The following CNTN1 variants were observed in gnomAD, a reference collection of about 807,000 sequenced individuals.
CNTN1 encodes the protein contactin 1.
Under a neutral mutation model 126.4 loss-of-function variants are expected in CNTN1, and 38 were observed. The ratio of observed to expected loss-of-function variants is 0.30; its 90% CI spans 0.23 to 0.39. The LOEUF (loss-of-function observed/expected upper bound fraction) is 0.39. Ranked by LOEUF, CNTN1 falls within the 10% of genes least tolerant of loss-of-function variation. The pLI, the probability that CNTN1 is intolerant of heterozygous loss-of-function variation, is 1.00. For missense variants in CNTN1, 1,009 were observed against 1,248.4 expected (o/e 0.81, Z 2.89); for synonymous variants, 413 against 422.6 (o/e 0.98, Z 0.28).
At position 40,751,806 on chromosome 12, in the gene CNTN1, T is replaced by C. The variant is rs1211960770; in HGVS notation, c.-77+59214T>C. ...GCTAAGTAGCGATAACATCTACCTA[T>C]TGACCTCCAAGTGTTGTTACATTGG... On this transcript the variant is annotated intron_variant, in intron 1 of 23. Coordinates refer to ENST00000551295, the MANE Select transcript of CNTN1 (RefSeq NM_001843.4). Among the ~76,000 whole-genome samples the C allele has an allele frequency of 2.0e-5, 3 of 152,096 alleles. No individual in the cohort carries two copies. The East Asian group carries it at 5.8e-4, about 29-fold the overall frequency.
chr12:41,017,093 T>C (rs1400969351), intron 19 of CNTN1, among the ~76,000 whole-genome samples, 177 bp downstream of exon 19: 1 of 152,204 alleles, frequency 6.6e-6, no homozygotes, highest in African/African-American at 2.4e-5. Context: ...ATCTAAATGA[T>C]GAGAATGTTG....
chr12:40,961,363 T>C (rs947008606), intron 15 of CNTN1, among the ~76,000 whole-genome samples: 3 of 152,028 alleles, frequency 2.0e-5, no homozygotes, highest in Non-Finnish European at 4.4e-5. Context: ...GTCAAAAACA[T>C]GTATAGATGT....
At chr12:40,920,811 G>A (rs1158362927) in intron 4 of CNTN1, among the ~76,000 whole-genome samples, 1 of 152,134 alleles carries the variant, frequency 6.6e-6, no homozygotes, top group East Asian at 1.9e-4. Context: ...AGTATTAAAA[G>A]GGATTGTAGC....
At chr12:41,009,109 GGA>G (rs1481219449) in intron 17 of CNTN1, among the ~76,000 whole-genome samples, 3 of 152,294 alleles carry the variant, frequency 2.0e-5, no homozygotes, top group African/African-American at 7.2e-5. Context: ...ATTTTCTAGG[GGA>G]GTTTCCCTGA....
At chr12:40,722,960 G>T (rs906836447) in intron 1 of CNTN1, among the ~76,000 whole-genome samples, 6 of 151,986 alleles carry the variant, frequency 3.9e-5, no homozygotes, top group Admixed American at 3.9e-4. Flanking sequence ...TTAGAGCAAA[G>T]AACTAAATAG....
intron 1 of CNTN1, among the ~76,000 whole-genome samples, chr12:40,848,102 C>T (rs1486660014): frequency 2.6e-5 from 4 of 152,186 alleles, no homozygotes; most frequent in Admixed American, 1.3e-4. Flanking sequence ...ACTCGGCAGC[C>T]TGGGGTTTCG....
At chr12:40,811,101 A>ATT (rs1297603945) in intron 1 of CNTN1, among the ~76,000 whole-genome samples, 2 of 152,240 alleles carry the variant, frequency 1.3e-5, no homozygotes, top group African/African-American at 4.8e-5. Context: ...GGTTGTGTTC[A>ATT]TTACTTGGTT....
chr12:40,900,445 G>A (rs1256445823), intron 1 of CNTN1, among the ~76,000 whole-genome samples: 1 of 152,152 alleles, frequency 6.6e-6, no homozygotes. Flanking sequence ...GGGAGTGTGT[G>A]TGTGTATGGT....
chr12:40,692,696 A>G (rs1451970075), intron 1 of CNTN1, 104 bp downstream of exon 1: 1 of 152,616 alleles, frequency 6.6e-6, no homozygotes, highest in Non-Finnish European at 1.5e-5. Context: ...GTCACCCCCA[A>G]ATCTCCTGTG....
intron 1 of CNTN1, among the ~76,000 whole-genome samples, chr12:40,747,833 C>T (rs1938245872): frequency 6.6e-6 from 1 of 152,240 alleles, no homozygotes; most frequent in South Asian, 2.1e-4. Context: ...AAGTACATTA[C>T]AAGCAACAAA....
chr12:40,930,006 A>G lies in CNTN1; in HGVS notation c.703+4A>G. The G allele has an allele frequency of 1.9e-6, 3 of 1,600,696 alleles. No individual in the cohort carries two copies. The highest frequency in any genetic ancestry group is 2.6e-6 in the Non-Finnish European group (3 of 1,168,098). On this transcript the variant is annotated splice_donor_region_variant and intron_variant, in intron 7 of 23. Coordinates refer to ENST00000551295, the MANE Select transcript of CNTN1 (RefSeq NM_001843.4). ...CCACTCATTCCAATACCTGAACGTA[A>G]GTATTTTATTTGTTACACTCTGTTT...
At chr12:40,763,152 C>T (rs2136419563) in intron 1 of CNTN1, 1 of 152,364 alleles carries the variant, frequency 6.6e-6, no homozygotes, top group South Asian at 2.1e-4. Flanking sequence ...GAGGCCCTGA[C>T]CAGAAGCAAA....
At chr12:40,906,514 A>G (rs1944822169) in intron 1 of CNTN1, among the ~76,000 whole-genome samples, 1 of 152,142 alleles carries the variant, frequency 6.6e-6, no homozygotes, top group Non-Finnish European at 1.5e-5. Flanking sequence ...CTCAAAATCC[A>G]TTAAAAAATA....
At chr12:41,043,517 A>G (rs1269737379) in intron 23 of CNTN1, among the ~76,000 whole-genome samples, 2 of 152,056 alleles carry the variant, frequency 1.3e-5, no homozygotes, top group Admixed American at 6.6e-5. Flanking sequence ...TGGAGAGGAT[A>G]TGGAGAAATA....
At chr12:40,752,371 G>A (rs1458759104) in intron 1 of CNTN1, among the ~76,000 whole-genome samples, 2 of 152,000 alleles carry the variant, frequency 1.3e-5, no homozygotes, top group Non-Finnish European at 2.9e-5. Flanking sequence ...TATAACCTTG[G>A]GATTTTAAGG....
chr12:40,792,068 G>T (rs950729345), intron 1 of CNTN1, among the ~76,000 whole-genome samples: 1 of 151,968 alleles, frequency 6.6e-6, no homozygotes, highest in African/African-American at 2.4e-5. Flanking sequence ...AAATAATCAA[G>T]AATTCATAGA....
chr12:41,029,938 T>C (rs1428532686), intron 23 of CNTN1, among the ~76,000 whole-genome samples: 1 of 152,086 alleles, frequency 6.6e-6, no homozygotes, highest in Non-Finnish European at 1.5e-5. Flanking sequence ...TGTTATTTAA[T>C]TTTTGACATA....
chr12:41,039,241 T>A (rs572694195), intron 23 of CNTN1, among the ~76,000 whole-genome samples: 34 of 152,232 alleles, frequency 2.2e-4, no homozygotes, highest in African/African-American at 7.9e-4. Flanking sequence ...GTGGTGCAAA[T>A]CTCTGTGAAT....
chr12:40,931,930 T>C (rs926757268), intron 7 of CNTN1, among the ~76,000 whole-genome samples: 3 of 151,970 alleles, frequency 2.0e-5, no homozygotes, highest in Non-Finnish European at 4.4e-5. Flanking sequence ...TTATATTTAC[T>C]GTTTCCTTTC....
Sources: allele counts gnomAD v4.1 joint callset (sites outside exome capture counted in the v4.1 genomes callset), GRCh38; gene constraint gnomAD v4.1.1; transcripts MANE v1.5; gene names NCBI Gene and HGNC (gene_info 2026-07-23, HGNC 2026-07-21).